Variants in PLEKHA7 observed in about 807,000 individuals in gnomAD.
PLEKHA7 encodes the protein pleckstrin homology domain containing A7.
In PLEKHA7, 104 loss-of-function variants were observed where a neutral mutation model predicts 170.0. That is an observed-to-expected ratio of 0.61 (90% CI 0.52 to 0.72). PLEKHA7 has a LOEUF of 0.72. Ranked by LOEUF, PLEKHA7 falls within the 30% of genes least tolerant of loss-of-function variation. PLEKHA7 has a pLI of 0.00. For synonymous variants in PLEKHA7, 648 were observed against 660.8 expected, an observed-to-expected ratio of 0.98 and a Z score of 0.30; for missense variants, 1,615 against 1,671.7, an observed-to-expected ratio of 0.97 and a Z score of 0.59.
chr11:16,808,731 A>C (rs1849156823), intron 13 of PLEKHA7, among the ~76,000 whole-genome samples: 1 of 152,244 alleles, frequency 6.6e-6, no homozygotes, highest in African/African-American at 2.4e-5. Context: ...TCACCGCAGC[A>C]TAAAGACAAC....
chr11:16,888,458 A>T (rs1856348203), intron 3 of PLEKHA7, among the ~76,000 whole-genome samples: 1 of 152,302 alleles, frequency 6.6e-6, no homozygotes, highest in South Asian at 2.1e-4. Context: ...GTCTGTGTAG[A>T]GGGAAGTAGA....
intron 24 of PLEKHA7, among the ~76,000 whole-genome samples, chr11:16,785,836 C>T (rs1347123945): frequency 6.6e-6 from 1 of 152,186 alleles, no homozygotes; most frequent in East Asian, 1.9e-4. Context: ...CCTCACCAGC[C>T]AGTTGAAAAG....
chr11:17,001,737 C>T (rs920503215), intron 3 of PLEKHA7, among the ~76,000 whole-genome samples: 6 of 148,340 alleles, frequency 4.0e-5, no homozygotes, highest in Non-Finnish European at 7.5e-5. Flanking sequence ...CAGGAAGAGA[C>T]TGCACACTAA....
In PLEKHA7 at chr11:16,794,541, G is replaced by C; in HGVS notation, c.2692C>G (p.Leu898Val). 6.2e-7 allele frequency: 1 copy of C among 1,614,002 alleles called. No homozygotes were observed. The change falls in exon 19 of 27, where the codon CTG becomes GTG. Residue 898 changes from leucine to valine, a missense_variant. Coordinates refer to ENST00000531066, the MANE Select transcript of PLEKHA7 (RefSeq NM_001329630.2). ...TGAAGGGGGGATGTCACTTTCCTCA[G>C]CTGGGGTGGGTGAGGTCGGTACGGC... The part of the protein sequence containing the change: ...YVPYRPHPPQ[L>V]RKVTSPLQSP...
chr11:16,884,641 GAAAAGAAAAGAAAAGA>G (rs143834943), intron 3 of PLEKHA7, among the ~76,000 whole-genome samples: 19,237 of 81,436 alleles, frequency 0.24, 1,298 homozygotes, highest in Non-Finnish European at 0.29. Flanking sequence ...TTTAAAAAAA[GAAAAGAAAAGAAAAGA>G]AAAAGAAAAA....
At chr11:16,975,248 T>A (rs763047013) in intron 3 of PLEKHA7, among the ~76,000 whole-genome samples, 5 of 152,222 alleles carry the variant, frequency 3.3e-5, no homozygotes, top group Non-Finnish European at 5.9e-5. Context: ...AATGAAATAA[T>A]ATACTATACA....
At chr11:16,996,965 G>A (rs1378240427) in intron 3 of PLEKHA7, among the ~76,000 whole-genome samples, 1 of 152,074 alleles carries the variant, frequency 6.6e-6, no homozygotes, top group Non-Finnish European at 1.5e-5. Flanking sequence ...TCTCAGAGTG[G>A]TTCTCTACCC....
intron 11 of PLEKHA7, 25 bp downstream of exon 11, chr11:16,816,775 C>T (rs751706298): frequency 2.5e-6 from 4 of 1,607,726 alleles, no homozygotes; most frequent in South Asian, 2.2e-5. Flanking sequence ...GACCCAGCAG[C>T]CTGGCAGAGC....
chr11:16,894,942 T>C (rs1388429688), intron 3 of PLEKHA7, among the ~76,000 whole-genome samples: 1 of 151,984 alleles, frequency 6.6e-6, no homozygotes, highest in East Asian at 1.9e-4. Context: ...TCCTAGGAGG[T>C]AGTTATTATT....
At chr11:16,794,868 C>A in intron 18 of PLEKHA7, 42 bp downstream of exon 18, 1 of 1,546,208 alleles carries the variant, frequency 6.5e-7, no homozygotes, top group South Asian at 1.1e-5. Context: ...ACCACCCTGC[C>A]CCCAATCAGA....
At chr11:16,981,474 C>T (rs1863423393) in intron 3 of PLEKHA7, among the ~76,000 whole-genome samples, 2 of 152,124 alleles carry the variant, frequency 1.3e-5, no homozygotes, top group Non-Finnish European at 2.9e-5. Flanking sequence ...TGCTGCTCTT[C>T]ACCCCTCAGT....
intron 17 of PLEKHA7, among the ~76,000 whole-genome samples, chr11:16,798,176 GGGGCTGCAAGTGCATCTGCAGT>G (rs1350526586): frequency 6.6e-6 from 1 of 152,232 alleles, no homozygotes; most frequent in Non-Finnish European, 1.5e-5. Flanking sequence ...ATCTGCACAT[GGGGCTGCAAGTGCATCTGCAGT>G]GCTGATGATT....
intron 3 of PLEKHA7, among the ~76,000 whole-genome samples, chr11:16,957,237 G>A (rs911061360): frequency 2.0e-5 from 3 of 152,154 alleles, no homozygotes; most frequent in African/African-American, 4.8e-5. Context: ...GCATACAGAT[G>A]TTCAACACAT....
rs79433997 is a variant in PLEKHA7 at position 16,809,195 on chromosome 11, G to A, written c.2007+3918C>T. ...GTGGGTCCCAAGAGCAGAGTGTCCCGTTGTATGATTACTTGGCACCCCAGC... is the reference window on the plus strand; with the variant it reads ...GTGGGTCCCAAGAGCAGAGTGTCCCATTGTATGATTACTTGGCACCCCAGC... On this transcript the variant is annotated intron_variant, in intron 13 of 26. Coordinates refer to ENST00000531066, the MANE Select transcript of PLEKHA7 (RefSeq NM_001329630.2). Among the ~76,000 whole-genome samples, 1,288 of 152,278 alleles carry A rather than the reference G, an allele frequency of 8.5e-3. 21 individuals carry two copies. Among genetic ancestry groups the A allele is most frequent in the African/African-American group, 0.029 (1,201 of 41,554 alleles).
chr11:17,001,032 C>T (rs185379913), intron 3 of PLEKHA7, among the ~76,000 whole-genome samples: 70 of 152,300 alleles, frequency 4.6e-4, no homozygotes, highest in Admixed American at 1.0e-3. Context: ...ATGGCCCTCA[C>T]CCCTAATCCC....
At chr11:16,910,256 A>G (rs573667414) in intron 3 of PLEKHA7, among the ~76,000 whole-genome samples, 118 of 152,358 alleles carry the variant, frequency 7.7e-4, no homozygotes, top group African/African-American at 2.8e-3. Context: ...ATAATCAGAT[A>G]AGGAAAGGAG....
Position 16,789,935 on chromosome 11 carries a change from T to C in PLEKHA7, c.3053-57A>G. 7.0e-7 allele frequency: 1 copy of C among 1,424,108 alleles called. No individual in the cohort carries two copies. The highest frequency in any genetic ancestry group is 9.9e-7 in the Non-Finnish European group (1 of 1,010,058). The allele number at this position is 1,424,108 out of a possible 1,614,324, so 88.2% of individuals were successfully genotyped here. On this transcript the variant is annotated intron_variant, in intron 21 of 26. Transcript: ENST00000531066. The surrounding 1 kb of genome is among the most constrained non-coding windows in gnomAD (Gnocchi z 4.6). ...TGTGCTGGGGTGGATGGGTCCCTGC[T>C]TCTCCCTCATCACACATTCTTGCAG...
chr11:16,851,710 A>C (rs1486077616), intron 7 of PLEKHA7, among the ~76,000 whole-genome samples: 1 of 151,884 alleles, frequency 6.6e-6, no homozygotes, highest in Non-Finnish European at 1.5e-5. Context: ...CGGCCTCCCA[A>C]AGTGTTGGGA....
intron 3 of PLEKHA7, among the ~76,000 whole-genome samples, chr11:16,874,509 A>G (rs1293294318): frequency 6.6e-6 from 1 of 152,228 alleles, no homozygotes; most frequent in East Asian, 1.9e-4. Context: ...CTGTCCCAAA[A>G]ACAAACAAAC....
Sources: gnomAD v4.1 joint callset for allele counts (sites outside exome capture counted in the v4.1 genomes callset) on GRCh38, gnomAD v4.1.1 for gene constraint, Gnocchi (gnomAD v3.1) non-coding constraint, MANE v1.5 for transcripts, NCBI Gene and HGNC (gene_info 2026-07-23, HGNC 2026-07-21) for gene names.